Variants in OSTM1 observed in about 807,000 individuals in gnomAD.
The protein encoded by OSTM1 is osteoclastogenesis associated transmembrane protein 1.
Under a neutral mutation model 35.4 loss-of-function variants are expected in OSTM1, and 26 were observed. The ratio of observed to expected loss-of-function variants is 0.73; its 90% confidence interval spans 0.54 to 1.02. OSTM1 has a LOEUF of 1.02. OSTM1 is among the 50% of genes least tolerant of loss of function. OSTM1 has a pLI of 0.00. For missense variants in OSTM1, 366 were observed against 409.6 expected (o/e 0.89, Z 0.92); for synonymous variants, 181 against 165.0 (o/e 1.10, Z -0.75).
chr6:108,049,185 C>A (rs1582387213), intron 5 of OSTM1, 68 bp downstream of exon 5: 1 of 1,094,758 alleles, frequency 9.1e-7, no homozygotes, highest in African/African-American at 1.6e-5. Context: ...GCTATCATTT[C>A]TAAAACAGGC....
At chr6:108,066,652 G>A (rs914232348) in intron 1 of OSTM1, among the ~76,000 whole-genome samples, 3 of 152,144 alleles carry the variant, frequency 2.0e-5, no homozygotes, top group Non-Finnish European at 4.4e-5. Context: ...ATCAGAGTGG[G>A]TTGAACAGGG....
At position 108,074,255 on chromosome 6, in the gene OSTM1, C is replaced by A. The variant is rs199763043; in HGVS notation, c.397G>T (p.Ala133Ser). Reference sequence around the variant, plus strand: ...GGACGTGGTCCTGTACCCACCCCCGCGGCTCGGCTGATGTTGTCCATCTTG... The same window carrying A: ...GGACGTGGTCCTGTACCCACCCCCGAGGCTCGGCTGATGTTGTCCATCTTG... ...VSKMDNISRA[A>S]GNTSESQSCA... Residue 133 changes from alanine (A) to serine (S), a missense_variant, in exon 1 of 6, where the codon GCG becomes TCG. Ala to Ser is a moderately conservative substitution (Grantham distance 99). Around this residue, in one of 3 missense-constraint regions of OSTM1, gnomAD observed 236 missense variants for 239.3 expected, o/e 0.99. Transcript: ENST00000193322. 3 of 1,612,162 alleles carry A rather than the reference C, an allele frequency of 1.9e-6. No individual in the cohort carries two copies. The highest frequency in any genetic ancestry group is 2.5e-6 in the Non-Finnish European group (3 of 1,179,918).
intron 1 of OSTM1, 147 bp from the exon 2 acceptor site, chr6:108,064,446 CAA>C: frequency 1.5e-6 from 1 of 645,864 alleles, no homozygotes; most frequent in Non-Finnish European, 2.8e-6. Flanking sequence ...TTAATAAAAA[CAA>C]TGATAATAAA....
intron 2 of OSTM1, among the ~76,000 whole-genome samples, chr6:108,060,149 T>G (rs887167037): frequency 6.6e-6 from 1 of 152,184 alleles, no homozygotes; most frequent in Non-Finnish European, 1.5e-5. Flanking sequence ...CCTCGCTTCT[T>G]TTACCTGAGA....
chr6:108,071,060 C>G (rs1461926473), intron 1 of OSTM1, among the ~76,000 whole-genome samples: 1 of 151,152 alleles, frequency 6.6e-6, no homozygotes, highest in Non-Finnish European at 1.5e-5. Flanking sequence ...TGGTGGCGGG[C>G]GCCTGTAGTC....
At chr6:108,055,319 CT>C (rs111413418) in intron 2 of OSTM1, among the ~76,000 whole-genome samples, 23 of 148,112 alleles carry the variant, frequency 1.6e-4, no homozygotes, top group Admixed American at 5.4e-4. Flanking sequence ...ATCTATTCTT[CT>C]TTTTTTTTTT....
chr6:108,048,749 C>CTT (rs575605197), intron 5 of OSTM1, among the ~76,000 whole-genome samples: 19,384 of 111,502 alleles, frequency 0.17, 1,994 homozygotes, highest in Non-Finnish European at 0.2. Flanking sequence ...TGTGTTTTAA[C>CTT]TTTTTTTTTT....
At chr6:108,046,327 G>A (rs1440034303) in intron 5 of OSTM1, among the ~76,000 whole-genome samples, 1 of 144,204 alleles carries the variant, frequency 6.9e-6, no homozygotes, top group East Asian at 2.1e-4. Flanking sequence ...GCCTACCAAT[G>A]TCTCTGGTTT....
Position 108,043,227 on chromosome 6 carries a change from T to G in OSTM1, c.*1558A>C, listed in dbSNP as rs1368740646. 1 of 152,222 alleles carries G rather than the reference T, an allele frequency of 6.6e-6. No homozygotes were observed. The highest frequency in any genetic ancestry group is 1.5e-5 in the Non-Finnish European group (1 of 68,040). The allele number at this position is 152,222 out of a possible 1,614,324, so 9.4% of individuals were successfully genotyped here. ...TAATGAAGATTGCTTCAAATGGCTC[T>G]CAATCATATGCTTCAAATCAAGACA... is the stretch of plus-strand genomic sequence containing the variant. On this transcript the variant is annotated 3_prime_UTR_variant, in exon 6 of 6. Transcript: ENST00000193322.
At chr6:108,054,919 C>T (rs1290706669) in intron 2 of OSTM1, among the ~76,000 whole-genome samples, 2 of 152,188 alleles carry the variant, frequency 1.3e-5, no homozygotes, top group Non-Finnish European at 2.9e-5. Context: ...AGGCATAAGA[C>T]TGTTTACCCT....
At chr6:108,050,948 C>T in intron 4 of OSTM1, 83 bp downstream of exon 4, 1 of 1,162,818 alleles carries the variant, frequency 8.6e-7, no homozygotes, top group Non-Finnish European at 1.3e-6. Context: ...AGATTCCACC[C>T]TATCACCAAA....
intron 4 of OSTM1, among the ~76,000 whole-genome samples, chr6:108,050,628 C>A (rs59529995): frequency 0.01 from 1,524 of 152,216 alleles, 24 homozygotes; most frequent in African/African-American, 0.035. Flanking sequence ...TCCCAAAGTA[C>A]TGGGATTACA....
Position 108,064,311 on chromosome 6 carries a change from A to G in OSTM1, c.403-12T>C. On this transcript the variant is annotated splice_polypyrimidine_tract_variant and intron_variant, in intron 1 of 5. Transcript: ENST00000193322. ...CTCTCTGAAGTATTCTGTAACAAAA[A>G]GAAGACAGAAAAATACAATCTGAGT... 7.3e-7 allele frequency: 1 copy of G among 1,374,944 alleles called. No homozygotes were observed. The highest frequency in any genetic ancestry group is 1.0e-6 in the Non-Finnish European group (1 of 968,244). 85.2% of individuals were successfully genotyped at this position (1,374,944 alleles called of 1,614,324 possible). A position where few individuals can be genotyped will look rare whatever the true frequency, so the allele number is the denominator to read the frequency against.
At position 108,074,491 on chromosome 6, in the gene OSTM1, T is replaced by C; in HGVS notation, c.161A>G (p.Glu54Gly). The change falls in exon 1 of 6, where the codon GAG (glutamate) becomes GGG (glycine). Residue 54 changes from glutamate (E) to glycine (G), a missense_variant. Physicochemically the swap from Glu to Gly is moderately conservative, Grantham distance 98 (BLOSUM62 -2). Coordinates refer to ENST00000193322, the MANE Select transcript of OSTM1 (RefSeq NM_014028.4). ...HDLLSEQQLLEVEDLSLSLLQ... is the reference protein window; with the variant it reads ...HDLLSEQQLLGVEDLSLSLLQ... ...GAGGGACAGGGACAAGTCCTCCACC[T>C]CCAGCAACTGCTGCTCCGACAGGAG... 1 of 1,558,238 alleles carries C rather than the reference T, an allele frequency of 6.4e-7. No homozygotes were observed. Among genetic ancestry groups the C allele is most frequent in the Non-Finnish European group, 8.7e-7 (1 of 1,151,784 alleles).
intron 2 of OSTM1, among the ~76,000 whole-genome samples, chr6:108,060,346 G>A (rs1428322216): frequency 6.6e-6 from 1 of 152,196 alleles, no homozygotes; most frequent in African/African-American, 2.4e-5. Flanking sequence ...GCCATACTGA[G>A]TATGCGGTAA....
chr6:108,054,512 GT>G lies in OSTM1; in HGVS notation c.592del (p.Thr198ProfsTer34). 2.0e-6 allele frequency: 3 copies of G among 1,523,404 alleles called. No individual in the cohort carries two copies. Among genetic ancestry groups the G allele is most frequent in the Non-Finnish European group, 2.7e-6 (3 of 1,101,032 alleles). The allele number at this position is 1,523,404 out of a possible 1,614,324, so 94.4% of individuals were successfully genotyped here. A position where few individuals can be genotyped will look rare whatever the true frequency, so the allele number is the denominator to read the frequency against. ...YFLNLFNHTL[T>X]CFEHNLQGNA... ...TACCTGAAGGTTATGTTCAAAGCAG[GT>G]CAGGGTGTGATTAAATAGATTAAGG... On this transcript the variant is annotated frameshift_variant, in exon 3 of 6. Coordinates refer to ENST00000193322, the MANE Select transcript of OSTM1 (RefSeq NM_014028.4). LOFTEE classifies it high-confidence loss of function.
chr6:108,051,073 C>G lies in OSTM1; in HGVS notation c.741G>C (p.Lys247Asn). 1.2e-6 allele frequency: 2 copies of G among 1,613,794 alleles called. No individual in the cohort carries two copies. Among genetic ancestry groups the G allele is most frequent in the South Asian group, 2.2e-5 (2 of 91,078 alleles). Reference sequence around the variant, plus strand: ...TGCATAAATGTGTTCCAGGTTCAGCCTTATTCTCAAGTTCATTCATTTTTT... The same window carrying G: ...TGCATAAATGTGTTCCAGGTTCAGCGTTATTCTCAAGTTCATTCATTTTTT... ...EMQKMNELEN[K>N]AEPGTHLCID... The change falls in exon 4 of 6, where the codon AAG (lysine) becomes AAC (asparagine). Residue 247 changes from lysine to asparagine, a missense_variant. Around this residue, in one of 3 missense-constraint regions of OSTM1, gnomAD observed 125 missense variants for 151.7 expected, o/e 0.82. Coordinates refer to ENST00000193322, the MANE Select transcript of OSTM1 (RefSeq NM_014028.4).
Position 108,054,485 on chromosome 6 carries a change from A to C in OSTM1, c.615+5T>G. On this transcript the variant is annotated splice_donor_5th_base_variant and intron_variant, in intron 3 of 5. Coordinates refer to ENST00000193322, the MANE Select transcript of OSTM1 (RefSeq NM_014028.4). ...TTTTAATTTTAAATATTATATATAA[A>C]ATACCTGAAGGTTATGTTCAAAGCA... The C allele has an allele frequency of 3.0e-6, 4 of 1,319,414 alleles. No individual in the cohort carries two copies. The highest frequency in any genetic ancestry group is 4.3e-6 in the Non-Finnish European group (4 of 919,968). 81.7% of individuals were successfully genotyped at this position (1,319,414 alleles called of 1,614,324 possible).
chr6:108,052,161 G>A (rs1280951697), intron 3 of OSTM1, among the ~76,000 whole-genome samples: 2 of 152,072 alleles, frequency 1.3e-5, no homozygotes, highest in Admixed American at 6.5e-5. Context: ...AGGGCTGGGC[G>A]CGATGGTTCA....
Sources: gnomAD v4.1 joint callset for allele counts (sites outside exome capture counted in the v4.1 genomes callset) on GRCh38, gnomAD v4.1.1 for gene constraint, gnomAD v4.1.1 regional missense constraint, MANE v1.5 for transcripts, NCBI Gene and HGNC (gene_info 2026-07-23, HGNC 2026-07-21) for gene names.